The following SH3PXD2B variants were observed in gnomAD, a reference collection of about 807,000 sequenced individuals.
SH3PXD2B encodes SH3 and PX domain-containing protein 2B.
SH3PXD2B carries 37 observed loss-of-function variants against 73.1 expected under a neutral mutation model. The ratio of observed to expected loss-of-function variants is 0.51; its 90% confidence interval spans 0.39 to 0.67. The LOEUF (loss-of-function observed/expected upper bound fraction) is 0.67, where lower values mean the gene tolerates loss of function less well. Among genes scored for constraint, SH3PXD2B ranks in the 30% least tolerant of loss-of-function variants. The pLI, the probability that SH3PXD2B is intolerant of heterozygous loss-of-function variation, is 0.00. For missense variants in SH3PXD2B, 1,053 were observed against 1,197.8 expected (o/e 0.88, Z 1.78); for synonymous variants, 457 against 480.5 (o/e 0.95, Z 0.64).
chr5:172,414,630 C>T (rs905556289), intron 2 of SH3PXD2B, among the ~76,000 whole-genome samples: 3 of 152,130 alleles, frequency 2.0e-5, no homozygotes, highest in Non-Finnish European at 2.9e-5. Flanking sequence ...CTGCTCGAGC[C>T]GTAAGCCCCT....
chr5:172,369,413 C>T (rs566973538), intron 6 of SH3PXD2B, among the ~76,000 whole-genome samples: 1 of 152,170 alleles, frequency 6.6e-6, no homozygotes, highest in Non-Finnish European at 1.5e-5. Flanking sequence ...AACCCCTGGC[C>T]TAGAACATGG....
chr5:172,368,508 ATAT>A (rs1324953751), intron 6 of SH3PXD2B, among the ~76,000 whole-genome samples: 2 of 33,576 alleles, frequency 6.0e-5, no homozygotes, highest in African/African-American at 1.7e-4. Context: ...ATATATATAT[ATAT>A]AAAATATATA....
At chr5:172,346,432 G>T (rs1418539184) in intron 11 of SH3PXD2B, among the ~76,000 whole-genome samples, 171 bp from the exon 12 acceptor site, 1 of 152,170 alleles carries the variant, frequency 6.6e-6, no homozygotes, top group Non-Finnish European at 1.5e-5. Context: ...TCACTCCTCG[G>T]TGAGACCTCA....
intron 2 of SH3PXD2B, among the ~76,000 whole-genome samples, chr5:172,409,600 T>C (rs1170403031): frequency 1.3e-5 from 2 of 152,250 alleles, no homozygotes; most frequent in Non-Finnish European, 2.9e-5. Context: ...TTATTTCACT[T>C]AACATAATGT....
At chr5:172,343,372 C>T (rs1473702987) in intron 12 of SH3PXD2B, among the ~76,000 whole-genome samples, 1 of 152,198 alleles carries the variant, frequency 6.6e-6, no homozygotes, top group African/African-American at 2.4e-5. Context: ...TTAGATGTAT[C>T]AGTAAGATTT....
intron 4 of SH3PXD2B, 105 bp downstream of exon 4, chr5:172,394,458 T>C: frequency 8.2e-7 from 1 of 1,213,688 alleles, no homozygotes; most frequent in Non-Finnish European, 1.2e-6. Context: ...TTTACATTCC[T>C]TTGAATTGCA....
At chr5:172,437,196 C>T (rs1982069) in intron 1 of SH3PXD2B, among the ~76,000 whole-genome samples, 47,960 of 151,958 alleles carry the variant, frequency 0.32, 8,554 homozygotes, top group Non-Finnish European at 0.42. Flanking sequence ...GAGGGCAGGG[C>T]GGTCGGATGG....
At chr5:172,446,913 CTAGTTCTCTAGCT>C (rs1759676688) in intron 1 of SH3PXD2B, among the ~76,000 whole-genome samples, 1 of 152,200 alleles carries the variant, frequency 6.6e-6, no homozygotes, top group African/African-American at 2.4e-5. Context: ...TCATCGCTTT[CTAGTTCTCTAGCT>C]CACGGACTGG....
intron 2 of SH3PXD2B, among the ~76,000 whole-genome samples, chr5:172,417,299 G>T (rs1432486104): frequency 6.6e-6 from 1 of 152,116 alleles, no homozygotes; most frequent in Non-Finnish European, 1.5e-5. Context: ...TAACTGTTGG[G>T]GTGTTCTCTT....
At chr5:172,409,678 A>G (rs1000694365) in intron 2 of SH3PXD2B, among the ~76,000 whole-genome samples, 2 of 152,144 alleles carry the variant, frequency 1.3e-5, no homozygotes, top group Non-Finnish European at 2.9e-5. Context: ...AATAGTATTC[A>G]ATTGTGTATG....
At chr5:172,325,606 C>T (rs553445169) in intron 12 of SH3PXD2B, among the ~76,000 whole-genome samples, 4 of 152,086 alleles carry the variant, frequency 2.6e-5, no homozygotes, top group African/African-American at 4.8e-5. Flanking sequence ...TGGTGAAAGG[C>T]GGAAGGGCAA....
Position 172,338,028 on chromosome 5 carries a change from A to C in SH3PXD2B, c.*341T>G. 1.6e-6 allele frequency: 2 copies of C among 1,224,188 alleles called. No homozygotes were observed. Among genetic ancestry groups the C allele is most frequent in the Non-Finnish European group, 2.1e-6 (2 of 971,930 alleles). 75.8% of individuals were successfully genotyped at this position (1,224,188 alleles called of 1,614,324 possible). A position where few individuals can be genotyped will look rare whatever the true frequency, so the allele number is the denominator to read the frequency against. On this transcript the variant is annotated 3_prime_UTR_variant, in exon 13 of 13. Transcript: ENST00000311601. This position sits in a 1 kb window ranked among gnomAD's most constrained non-coding sequence, Gnocchi z 5.1. ...ACCCTTGCTGGAGTTTCTCCAGGCA[A>C]TGGGATCCAGTCCTGGAGGTCTTGG...
chr5:172,425,586 G>C (rs1022876706), intron 1 of SH3PXD2B, among the ~76,000 whole-genome samples: 1 of 152,122 alleles, frequency 6.6e-6, no homozygotes, highest in African/African-American at 2.4e-5. Flanking sequence ...GAACAGGAGA[G>C]TATGACAGCT....
Position 172,337,022 on chromosome 5 carries a change from C to T in SH3PXD2B, c.*1347G>A, listed in dbSNP as rs1756714860. 1.0e-6 allele frequency: 1 copy of T among 985,452 alleles called. No homozygotes were observed. Among genetic ancestry groups the T allele is most frequent in the Admixed American group, 6.1e-5 (1 of 16,274 alleles). The allele number at this position is 985,452 out of a possible 1,614,324, so 61.0% of individuals were successfully genotyped here. A position where few individuals can be genotyped will look rare whatever the true frequency, so the allele number is the denominator to read the frequency against. On this transcript the variant is annotated 3_prime_UTR_variant, in exon 13 of 13. Transcript: ENST00000311601. ...CGCTGCATGCTATGCTCAGAGCCCTCCAGGCTGGCCCTCGAGGCCACCTCA... is the reference window on the plus strand; with the variant it reads ...CGCTGCATGCTATGCTCAGAGCCCTTCAGGCTGGCCCTCGAGGCCACCTCA...
At chr5:172,425,372 C>T (rs1477031028) in intron 1 of SH3PXD2B, among the ~76,000 whole-genome samples, 1 of 152,050 alleles carries the variant, frequency 6.6e-6, no homozygotes, top group Non-Finnish European at 1.5e-5. Flanking sequence ...CTGGGCAGGA[C>T]CCCGAAGTCT....
intron 1 of SH3PXD2B, among the ~76,000 whole-genome samples, chr5:172,441,914 T>C (rs1728770616): frequency 6.6e-6 from 1 of 152,176 alleles, no homozygotes; most frequent in South Asian, 2.1e-4. Flanking sequence ...TGGCCACTCC[T>C]GGACCCCTCC....
chr5:172,347,946 G>C (rs1353196866), intron 10 of SH3PXD2B, among the ~76,000 whole-genome samples: 1 of 152,188 alleles, frequency 6.6e-6, no homozygotes, highest in Non-Finnish European at 1.5e-5. Flanking sequence ...CCCTGGCTCT[G>C]GGTCTCAGGG....
At position 172,454,382 on chromosome 5, in the gene SH3PXD2B, CGCGGGT is replaced by C; in HGVS notation, c.-36_-31del. 7.2e-7 allele frequency: 1 copy of C among 1,388,982 alleles called. No homozygotes were observed. Among genetic ancestry groups the C allele is most frequent in the Non-Finnish European group, 9.3e-7 (1 of 1,069,820 alleles). 86.0% of individuals were successfully genotyped at this position (1,388,982 alleles called of 1,614,324 possible). ...GCTCCTCCGCCCGCAGCGGGCCGAG[CGCGGGT>C]GCGGGTGGCGCGGGGTGCAGGGAGC... On this transcript the variant is annotated 5_prime_UTR_variant, in exon 1 of 13. Transcript: ENST00000311601.
intron 2 of SH3PXD2B, among the ~76,000 whole-genome samples, chr5:172,414,799 C>T (rs1758783155): frequency 6.6e-6 from 1 of 152,178 alleles, no homozygotes; most frequent in Non-Finnish European, 1.5e-5. Flanking sequence ...CAGAGTGACT[C>T]AGCTGGTTCT....
Sources: gnomAD v4.1 joint callset for allele counts (sites outside exome capture counted in the v4.1 genomes callset) on GRCh38, gnomAD v4.1.1 for gene constraint, Gnocchi (gnomAD v3.1) non-coding constraint, MANE v1.5 for transcripts, NCBI Gene and HGNC (gene_info 2026-07-23, HGNC 2026-07-21) for gene names.